LRMDA: variants seen among roughly 807,000 people sequenced by gnomAD.
The protein encoded by LRMDA is leucine rich melanocyte differentiation associated, also known as leucine-rich melanocyte differentiation-associated protein.
Under a neutral mutation model 29.8 loss-of-function variants are expected in LRMDA, and 18 were observed. The ratio of observed to expected loss-of-function variants is 0.60; its 90% CI spans 0.42 to 0.90. The LOEUF (loss-of-function observed/expected upper bound fraction) is 0.90. Ranked by LOEUF, LRMDA falls within the 40% of genes least tolerant of loss-of-function variation. The pLI, the probability that LRMDA is intolerant of heterozygous loss-of-function variation, is 0.00. For synonymous variants in LRMDA, 125 were observed against 109.4 expected (o/e 1.14, Z -0.89); for missense variants, 273 against 273.9 (o/e 1.00, Z 0.02).
At chr10:75,918,850 T>G (rs554897013) in intron 2 of LRMDA, among the ~76,000 whole-genome samples, 1 of 152,184 alleles carries the variant, frequency 6.6e-6, no homozygotes, top group African/African-American at 2.4e-5. Context: ...TTAAAGACGT[T>G]GATTGGGCAC....
chr10:76,111,252 T>C (rs1323443768), intron 5 of LRMDA, among the ~76,000 whole-genome samples: 1 of 152,276 alleles, frequency 6.6e-6, no homozygotes, highest in Non-Finnish European at 1.5e-5. Context: ...TCTTTATGTG[T>C]TATTTTGCTT....
intron 5 of LRMDA, among the ~76,000 whole-genome samples, chr10:76,069,552 T>A (rs991651991): frequency 2.0e-5 from 3 of 152,232 alleles, no homozygotes; most frequent in Non-Finnish European, 4.4e-5. Context: ...TAGAACTCAT[T>A]ATTTATTTTC....
At chr10:76,537,889 A>G (rs997078891) in intron 6 of LRMDA, among the ~76,000 whole-genome samples, 5 of 152,132 alleles carry the variant, frequency 3.3e-5, no homozygotes, top group African/African-American at 4.8e-5. Context: ...ACCTCAGTAT[A>G]TTTACACATT....
chr10:76,304,011 C>T (rs1183810342), intron 5 of LRMDA, among the ~76,000 whole-genome samples: 3 of 152,150 alleles, frequency 2.0e-5, no homozygotes, highest in East Asian at 1.9e-4. Flanking sequence ...GGCCCTTTCA[C>T]GGCTTTCTCT....
intron 2 of LRMDA, among the ~76,000 whole-genome samples, chr10:75,627,605 T>G (rs988255212): frequency 1.3e-5 from 2 of 152,132 alleles, no homozygotes; most frequent in Non-Finnish European, 1.5e-5. Context: ...GGGCCTCAGT[T>G]ACTGCTGTGG....
chr10:75,531,833 T>C (rs1845480839), intron 2 of LRMDA, among the ~76,000 whole-genome samples: 1 of 151,362 alleles, frequency 6.6e-6, no homozygotes, highest in African/African-American at 2.4e-5. Flanking sequence ...CAGCACTTTG[T>C]GGGGCTGAGG....
intron 2 of LRMDA, among the ~76,000 whole-genome samples, chr10:75,784,324 A>G (rs867326916): frequency 6.6e-5 from 10 of 152,210 alleles, no homozygotes; most frequent in Non-Finnish European, 1.3e-4. Context: ...GAATTAGTAT[A>G]TACAAAACAA....
chr10:75,538,597 T>C (rs1212196445), intron 2 of LRMDA, among the ~76,000 whole-genome samples: 1 of 151,246 alleles, frequency 6.6e-6, no homozygotes, highest in Non-Finnish European at 1.5e-5. Context: ...CATTGAGTAG[T>C]TTTGTTTGTT....
At chr10:76,257,710 A>G (rs1441736729) in intron 5 of LRMDA, among the ~76,000 whole-genome samples, 2 of 152,222 alleles carry the variant, frequency 1.3e-5, no homozygotes, top group African/African-American at 4.8e-5. Context: ...ATGTAATTTA[A>G]TACTTTATCA....
At chr10:75,785,221 C>G (rs1348319067) in intron 2 of LRMDA, among the ~76,000 whole-genome samples, 2 of 152,210 alleles carry the variant, frequency 1.3e-5, no homozygotes, top group Non-Finnish European at 2.9e-5. Context: ...CCTCTCCTTT[C>G]CTGTCTTCTG....
intron 2 of LRMDA, among the ~76,000 whole-genome samples, chr10:75,752,481 A>T (rs1037062580): frequency 6.6e-6 from 1 of 152,206 alleles, no homozygotes; most frequent in Non-Finnish European, 1.5e-5. Context: ...AAGTGCTGGG[A>T]TTACAGGTGT....
Position 76,558,158 on chromosome 10 carries a change from C to T in LRMDA, c.*870C>T, listed in dbSNP as rs1843580573. On this transcript the variant is annotated 3_prime_UTR_variant, in exon 7 of 7. Transcript: ENST00000611255. ...ATTAATTTATTTTTAACCGTACACACTTCCAGTGATGCCTGTGGCCATACT... is the reference window on the plus strand; with the variant it reads ...ATTAATTTATTTTTAACCGTACACATTTCCAGTGATGCCTGTGGCCATACT... 6.6e-6 allele frequency: 1 copy of T among 152,226 alleles called. No homozygotes were observed. The highest frequency in any genetic ancestry group is 2.4e-5 in the African/African-American group (1 of 41,450). 9.4% of individuals were successfully genotyped at this position (152,226 alleles called of 1,614,324 possible).
intron 5 of LRMDA, among the ~76,000 whole-genome samples, chr10:76,106,641 T>C (rs1849490104): frequency 6.6e-6 from 1 of 152,224 alleles, no homozygotes; most frequent in African/African-American, 2.4e-5. Context: ...TGGTGCGTGC[T>C]GGGCTTGTGA....
intron 2 of LRMDA, among the ~76,000 whole-genome samples, chr10:75,765,050 A>T (rs1843145429): frequency 6.6e-6 from 1 of 151,762 alleles, no homozygotes; most frequent in Non-Finnish European, 1.5e-5. Context: ...AAAATATATG[A>T]GTGGAAACAG....
chr10:76,361,227 C>T (rs979890645), intron 6 of LRMDA, among the ~76,000 whole-genome samples: 1 of 151,576 alleles, frequency 6.6e-6, no homozygotes, highest in Non-Finnish European at 1.5e-5. Context: ...CACCATTGCA[C>T]TCCAGCCTGG....
intron 2 of LRMDA, among the ~76,000 whole-genome samples, chr10:75,777,166 G>A (rs1843323983): frequency 6.6e-6 from 1 of 152,208 alleles, no homozygotes; most frequent in Admixed American, 6.5e-5. Flanking sequence ...AGGCTGCCGA[G>A]CTGTGCAGGG....
intron 2 of LRMDA, among the ~76,000 whole-genome samples, chr10:75,712,289 G>C (rs1197021626): frequency 6.6e-6 from 1 of 151,918 alleles, no homozygotes; most frequent in Non-Finnish European, 1.5e-5. Context: ...CATTCCCCTC[G>C]ATAGGAAAGG....
intron 2 of LRMDA, among the ~76,000 whole-genome samples, chr10:75,581,268 C>T (rs1336519527): frequency 1.3e-5 from 2 of 152,128 alleles, no homozygotes; most frequent in African/African-American, 4.8e-5. Context: ...TATGAACAGA[C>T]ACTTCTCAAA....
At chr10:75,774,663 A>G (rs563242307) in intron 2 of LRMDA, among the ~76,000 whole-genome samples, 1 of 152,354 alleles carries the variant, frequency 6.6e-6, no homozygotes, top group East Asian at 1.9e-4. Flanking sequence ...CTCAACTCAA[A>G]AAATAAACTA....
Sources: gnomAD v4.1 joint callset for allele counts (sites outside exome capture counted in the v4.1 genomes callset) on GRCh38, gnomAD v4.1.1 for gene constraint, MANE v1.5 for transcripts, NCBI Gene and HGNC (gene_info 2026-07-23, HGNC 2026-07-21) for gene names.